Variants in FAT3 observed in about 807,000 individuals in gnomAD.
FAT3 encodes FAT atypical cadherin 3, also known as protocadherin Fat 3.
FAT3 carries 95 observed loss-of-function variants against 310.2 expected under a neutral mutation model. That is an observed-to-expected ratio of 0.31 (90% CI 0.26 to 0.36). The LOEUF is 0.36. Among genes scored for constraint, FAT3 ranks in the 10% least tolerant of loss-of-function variants. The pLI, the probability that FAT3 is intolerant of heterozygous loss-of-function variation, is 1.00. For missense variants in FAT3, 5,408 were observed against 5,715.6 expected, an observed-to-expected ratio of 0.95 and a Z score of 1.74; for synonymous variants, 2,314 against 2,192.9, an observed-to-expected ratio of 1.06 and a Z score of -1.54.
At chr11:92,716,024 A>G (rs1404624317) in intron 4 of FAT3, among the ~76,000 whole-genome samples, 2 of 152,172 alleles carry the variant, frequency 1.3e-5, no homozygotes, top group African/African-American at 4.8e-5. Flanking sequence ...TGGTGGCATG[A>G]TCAACGTCAT....
intron 2 of FAT3, among the ~76,000 whole-genome samples, chr11:92,491,716 G>A (rs1417222277): frequency 6.6e-6 from 1 of 152,090 alleles, no homozygotes; most frequent in South Asian, 2.1e-4. Context: ...GAGTAGAATT[G>A]TAAATTCGTT....
At chr11:92,431,450 A>G (rs1950774846) in intron 2 of FAT3, among the ~76,000 whole-genome samples, 1 of 152,172 alleles carries the variant, frequency 6.6e-6, no homozygotes, top group Non-Finnish European at 1.5e-5. Flanking sequence ...ATTTTCTCCT[A>G]TTCTGTAGGT....
chr11:92,399,703 G>T (rs868549718), intron 2 of FAT3, among the ~76,000 whole-genome samples: 4 of 152,280 alleles, frequency 2.6e-5, no homozygotes, highest in Middle Eastern at 6.8e-3. Flanking sequence ...GAAATGGAGA[G>T]CAATGGTTGA....
intron 2 of FAT3, among the ~76,000 whole-genome samples, chr11:92,432,108 T>C (rs1950798246): frequency 6.6e-6 from 1 of 152,208 alleles, no homozygotes; most frequent in South Asian, 2.1e-4. Flanking sequence ...ATTTTCACAA[T>C]ATTGATTCTT....
chr11:92,736,069 G>A (rs1029716403), intron 4 of FAT3, among the ~76,000 whole-genome samples: 1 of 152,138 alleles, frequency 6.6e-6, no homozygotes, highest in African/African-American at 2.4e-5. Context: ...ACTCTCTACT[G>A]TTGTGAAGAT....
chr11:92,450,780 T>G (rs1951335104), intron 2 of FAT3, among the ~76,000 whole-genome samples: 1 of 152,186 alleles, frequency 6.6e-6, no homozygotes, highest in African/African-American at 2.4e-5. Context: ...TATGGAACAG[T>G]TATAGATTAT....
rs974433152 is a variant in FAT3, at chr11:92,882,590, C to CG, written c.12282-148_12282-147insG. On this transcript the variant is annotated intron_variant, in intron 23 of 27. Coordinates refer to ENST00000525166, the MANE Select transcript of FAT3 (RefSeq NM_001367949.2). ...ATGCCTAAATTAACTCCCCCTCCCC[C>CG]CCCCCACCAACCATCTTTGTCCTGC... 1.4e-4 allele frequency: 74 copies of CG among 515,930 alleles called. 2 individuals are homozygous for CG. The South Asian group carries it at 1.5e-3, about 10-fold the overall frequency. The allele number at this position is 515,930 out of a possible 1,614,324, so 32.0% of individuals were successfully genotyped here. A position where few individuals can be genotyped will look rare whatever the true frequency, so the allele number is the denominator to read the frequency against.
intron 3 of FAT3, among the ~76,000 whole-genome samples, chr11:92,610,768 T>C (rs1049233313): frequency 6.6e-6 from 1 of 152,196 alleles, no homozygotes. Context: ...TCCTACAAGC[T>C]TCACAGAATA....
intron 2 of FAT3, among the ~76,000 whole-genome samples, chr11:92,515,734 G>A (rs1232461847): frequency 6.6e-6 from 1 of 152,058 alleles, no homozygotes; most frequent in Admixed American, 6.6e-5. Context: ...TTTGTTGAAT[G>A]AATGAGGGAT....
At chr11:92,877,743 G>A (rs1203463854) in intron 22 of FAT3, among the ~76,000 whole-genome samples, 1 of 152,134 alleles carries the variant, frequency 6.6e-6, no homozygotes, top group African/African-American at 2.4e-5. Context: ...ATGGTTACAA[G>A]TAAAGAAATC....
intron 2 of FAT3, among the ~76,000 whole-genome samples, chr11:92,451,481 A>G (rs1258413076): frequency 1.3e-5 from 2 of 152,134 alleles, no homozygotes; most frequent in African/African-American, 2.4e-5. Context: ...GTGGGGTTTG[A>G]TATGCGTAAT....
intron 1 of FAT3, among the ~76,000 whole-genome samples, chr11:92,283,779 A>G (rs1036734150): frequency 3.3e-5 from 5 of 152,114 alleles, no homozygotes; most frequent in Non-Finnish European, 7.3e-5. Context: ...TCAAGCATGC[A>G]TTGATTATTT....
intron 3 of FAT3, among the ~76,000 whole-genome samples, chr11:92,618,405 A>G (rs1222918782): frequency 6.6e-6 from 1 of 152,076 alleles, no homozygotes; most frequent in Non-Finnish European, 1.5e-5. Context: ...TAGGAAAGGG[A>G]ATTCCCTGAC....
chr11:92,597,254 T>G (rs565816076), intron 3 of FAT3, among the ~76,000 whole-genome samples: 1 of 152,340 alleles, frequency 6.6e-6, no homozygotes, highest in South Asian at 2.1e-4. Flanking sequence ...TACTCCTACC[T>G]TGTTTTTTGG....
At chr11:92,843,089 T>C (rs1422943020) in intron 18 of FAT3, among the ~76,000 whole-genome samples, 1 of 148,310 alleles carries the variant, frequency 6.7e-6, no homozygotes, top group Admixed American at 6.6e-5. Flanking sequence ...ACTAACATAC[T>C]CAAAGCCAGA....
rs565767601 is a variant in FAT3 at position 92,641,971 on chromosome 11, A to G, written c.3608-55413A>G. Among the ~76,000 whole-genome samples, 5 of 152,374 alleles carry G rather than the reference A, an allele frequency of 3.3e-5. No individual in the cohort carries two copies. In the East Asian group the frequency reaches 7.7e-4, roughly 24 times the overall value. ...CAACATGAGGTTGAAGGGAGGCACAATGCACACTTGTAGAAGCCGTTTGAG... is the reference window on the plus strand; with the variant it reads ...CAACATGAGGTTGAAGGGAGGCACAGTGCACACTTGTAGAAGCCGTTTGAG... On this transcript the variant is annotated intron_variant, in intron 3 of 27. Coordinates refer to ENST00000525166, the MANE Select transcript of FAT3 (RefSeq NM_001367949.2).
At chr11:92,603,275 C>T (rs565937821) in intron 3 of FAT3, among the ~76,000 whole-genome samples, 23 of 152,170 alleles carry the variant, frequency 1.5e-4, no homozygotes, top group African/African-American at 5.1e-4. Context: ...TTTCTAGGGG[C>T]GTGCAATTTC....
chr11:92,484,385 G>A (rs1214302367), intron 2 of FAT3, among the ~76,000 whole-genome samples: 2 of 152,050 alleles, frequency 1.3e-5, no homozygotes, highest in African/African-American at 4.8e-5. Flanking sequence ...TATATTATAA[G>A]TAAAAGAAAA....
Position 92,834,862 on chromosome 11 carries a change from C to A in FAT3, c.9872-8C>A, listed in dbSNP as rs1461637600. On this transcript the variant is annotated splice_polypyrimidine_tract_variant and splice_region_variant and intron_variant, in intron 14 of 27. Transcript: ENST00000525166. Reference sequence around the variant, plus strand: ...ATGAAATATAAAGCTCCCCATTTTTCTTCAAAGGGGGTATTTCTGTCTCTG... The same window carrying A: ...ATGAAATATAAAGCTCCCCATTTTTATTCAAAGGGGGTATTTCTGTCTCTG... The A allele has an allele frequency of 6.3e-7, 1 of 1,588,474 alleles. No individual in the cohort carries two copies. The highest frequency in any genetic ancestry group is 1.3e-5 in the African/African-American group (1 of 74,088).
Sources: gnomAD v4.1 joint callset for allele counts (sites outside exome capture counted in the v4.1 genomes callset) on GRCh38, gnomAD v4.1.1 for gene constraint, MANE v1.5 for transcripts, NCBI Gene and HGNC (gene_info 2026-07-23, HGNC 2026-07-21) for gene names.